Variants in SDK2 observed in about 807,000 individuals in gnomAD.
SDK2 encodes the protein sidekick cell adhesion molecule 2.
SDK2 carries 105 observed loss-of-function variants against 253.9 expected under a neutral mutation model. That is an observed-to-expected ratio of 0.41 (90% CI 0.35 to 0.49). The LOEUF is 0.49. Ranked by LOEUF, SDK2 falls within the 20% of genes least tolerant of loss-of-function variation. The pLI is 0.06. For synonymous variants in SDK2, 1,249 were observed against 1,234.9 expected (o/e 1.01, Z -0.24); for missense variants, 2,608 against 3,003.0 (o/e 0.87, Z 3.07).
At chr17:73,588,247 C>T (rs1280954926) in intron 1 of SDK2, among the ~76,000 whole-genome samples, 1 of 147,578 alleles carries the variant, frequency 6.8e-6, no homozygotes, top group Non-Finnish European at 1.5e-5. Context: ...CTTAGCTGGG[C>T]CTGGGGCTGC....
intron 41 of SDK2, 51 bp from the exon 42 acceptor site, chr17:73,350,841 CA>C: frequency 6.5e-7 from 1 of 1,547,654 alleles, no homozygotes; most frequent in South Asian, 1.2e-5. Context: ...CTCCTCCCTC[CA>C]AATCTCCTGC....
chr17:73,357,940 A>G lies in SDK2; in HGVS notation c.5593+139T>C, dbSNP rs774247323. On this transcript the variant is annotated intron_variant, in intron 40 of 44. Coordinates refer to ENST00000392650, the MANE Select transcript of SDK2 (RefSeq NM_001144952.2). Reference sequence around the variant, plus strand: ...CCCCAACCCAGTTTCCCACTCCTCAACAGGGCCAGGTGACTTCACCTGTAG... The same window carrying G: ...CCCCAACCCAGTTTCCCACTCCTCAGCAGGGCCAGGTGACTTCACCTGTAG... The G allele has an allele frequency of 2.2e-6, 3 of 1,339,604 alleles. No homozygotes were observed. The South Asian group carries it at 3.5e-5, about 16-fold the overall frequency. 83.0% of individuals were successfully genotyped at this position (1,339,604 alleles called of 1,614,324 possible).
rs2063521859 is a variant in SDK2 at position 73,455,853 on chromosome 17, C to T, written c.479+53G>A. ...AGGGAGACTTTATCTGGCCCCAAAC[C>T]TCCTCCCCCAGACACCCCTCCCCTC... On this transcript the variant is annotated intron_variant, in intron 4 of 44. Coordinates refer to ENST00000392650, the MANE Select transcript of SDK2 (RefSeq NM_001144952.2). The surrounding 1 kb of genome is among the most constrained non-coding windows in gnomAD (Gnocchi z 5.0). The T allele has an allele frequency of 2.7e-6, 4 of 1,495,980 alleles. No homozygotes were observed. The highest frequency in any genetic ancestry group is 2.5e-5 in the South Asian group (2 of 79,348). The allele number at this position is 1,495,980 out of a possible 1,614,324, so 92.7% of individuals were successfully genotyped here.
chr17:73,344,179 C>G (rs1229518651), intron 44 of SDK2, among the ~76,000 whole-genome samples: 1 of 152,150 alleles, frequency 6.6e-6, no homozygotes, highest in Non-Finnish European at 1.5e-5. Context: ...TCTGGGCTCC[C>G]TGTGTTAAGA....
At chr17:73,350,465 C>G in intron 42 of SDK2, 90 bp from the exon 43 acceptor site, 1 of 1,509,764 alleles carries the variant, frequency 6.6e-7, no homozygotes, top group South Asian at 1.3e-5. Flanking sequence ...TCCCCTCTTT[C>G]TCTTGGTAGA....
chr17:73,441,166 C>A, intron 5 of SDK2, among the ~76,000 whole-genome samples: 1 of 152,048 alleles, frequency 6.6e-6, no homozygotes, highest in African/African-American at 2.4e-5. Context: ...TGACGGCCTT[C>A]CCCACCCCTC....
At chr17:73,442,617 G>A (rs1224537344) in intron 5 of SDK2, among the ~76,000 whole-genome samples, 1 of 152,088 alleles carries the variant, frequency 6.6e-6, no homozygotes, top group Non-Finnish European at 1.5e-5. Flanking sequence ...CTGGGATTAT[G>A]GGTGTGAGCC....
intron 41 of SDK2, among the ~76,000 whole-genome samples, chr17:73,351,113 T>C (rs2346017): frequency 0.52 from 59,036 of 114,460 alleles, 11,770 homozygotes; most frequent in East Asian, 0.76. Flanking sequence ...CTTTTTCCCC[T>C]TTTTTTTTTT....
intron 3 of SDK2, among the ~76,000 whole-genome samples, chr17:73,459,636 CCT>C (rs1007951030): frequency 6.6e-6 from 1 of 152,132 alleles, no homozygotes; most frequent in Non-Finnish European, 1.5e-5. Context: ...GTTTTTTAGA[CCT>C]GACTTCAAAT....
Position 73,358,081 on chromosome 17 carries a change from G to T in SDK2, c.5591C>A (p.Ser1864Ter). The T allele has an allele frequency of 6.2e-7, 1 of 1,613,170 alleles. No homozygotes were observed. Among genetic ancestry groups the T allele is most frequent in the Non-Finnish European group, 8.5e-7 (1 of 1,179,756 alleles). ...ITRYVIEARP[S>*]DEGLWDILIK... The stretch of plus-strand genomic sequence containing the variant: ...CAGCCCAGCAGGGCGGGGCGCACCT[G>T]AAGGTCTGGCCTCGATGACGTAGCG... The change falls in exon 40 of 45, where the codon TCA (serine) becomes TAA (stop). Residue 1864 changes from serine (S) to a stop codon, truncating the protein, a stop_gained and splice_region_variant. Transcript: ENST00000392650. LOFTEE classifies it high-confidence loss of function.
chr17:73,435,376 T>C lies in SDK2; in HGVS notation c.1195+74A>G. On this transcript the variant is annotated intron_variant, in intron 9 of 44. Transcript: ENST00000392650. The surrounding 1 kb of genome is among the most constrained non-coding windows in gnomAD (Gnocchi z 5.7). The stretch of plus-strand genomic sequence containing the variant: ...GAACGTGCTATGCACAAGAGGCCCC[T>C]CGGAAGACCTTGGAAGAAAGCTGCG... 4.9e-6 allele frequency: 7 copies of C among 1,424,796 alleles called. No homozygotes were observed. The South Asian group carries it at 9.7e-5, about 20-fold the overall frequency. 88.3% of individuals were successfully genotyped at this position (1,424,796 alleles called of 1,614,324 possible).
intron 36 of SDK2, among the ~76,000 whole-genome samples, chr17:73,373,825 C>T (rs765296099): frequency 5.3e-5 from 8 of 151,918 alleles, no homozygotes; most frequent in South Asian, 2.1e-4. Flanking sequence ...TTAGTAGAGA[C>T]GGGGTTTCAC....
intron 2 of SDK2, among the ~76,000 whole-genome samples, chr17:73,500,017 G>A (rs569133931): frequency 6.8e-4 from 103 of 152,178 alleles, no homozygotes; most frequent in Non-Finnish European, 1.2e-3. Flanking sequence ...TCATCTGGTT[G>A]ATGACGTTGC....
intron 32 of SDK2, 44 bp downstream of exon 32, chr17:73,385,803 C>G: frequency 6.5e-7 from 1 of 1,540,728 alleles, no homozygotes; most frequent in Non-Finnish European, 8.8e-7. Context: ...CAGAGCAGAG[C>G]TCGTCTGGGT....
chr17:73,338,353 A>G lies in SDK2; in HGVS notation c.*234T>C. On this transcript the variant is annotated 3_prime_UTR_variant, in exon 45 of 45. Transcript: ENST00000392650. This position sits in a 1 kb window ranked among gnomAD's most constrained non-coding sequence, Gnocchi z 5.0. The stretch of plus-strand genomic sequence containing the variant: ...AGCTCCGTGTAATTCCCAAGGGAGC[A>G]GTGAACCCCACCATCTCAAAGCTGA... 1 of 666,500 alleles carries G rather than the reference A, an allele frequency of 1.5e-6. No individual in the cohort carries two copies. The highest frequency in any genetic ancestry group is 2.8e-6 in the Non-Finnish European group (1 of 362,100). The allele number at this position is 666,500 out of a possible 1,614,324, so 41.3% of individuals were successfully genotyped here. A position where few individuals can be genotyped will look rare whatever the true frequency, so the allele number is the denominator to read the frequency against.
chr17:73,412,117 T>TGC (rs2063141756), intron 18 of SDK2, among the ~76,000 whole-genome samples: 1 of 40,514 alleles, frequency 2.5e-5, no homozygotes, highest in African/African-American at 1.0e-4. Flanking sequence ...CGTATATATG[T>TGC]ATACGTATAT....
intron 9 of SDK2, 54 bp from the exon 10 acceptor site, chr17:73,433,902 G>A: frequency 2.3e-6 from 3 of 1,293,534 alleles, no homozygotes; most frequent in Non-Finnish European, 3.1e-6. Context: ...TGTCCCCCAA[G>A]CCAGAGGGCC....
chr17:73,422,569 G>C, intron 14 of SDK2, 135 bp from the exon 15 acceptor site: 2 of 938,200 alleles, frequency 2.1e-6, no homozygotes, highest in Non-Finnish European at 1.6e-6. Context: ...TGCAGGAGTG[G>C]CCCGCCATGC....
intron 1 of SDK2, among the ~76,000 whole-genome samples, chr17:73,560,495 A>G (rs989276330): frequency 6.6e-6 from 1 of 152,138 alleles, no homozygotes; most frequent in African/African-American, 2.4e-5. Context: ...GTGCGCCACC[A>G]TGCGCGTCTA....
Sources: allele counts gnomAD v4.1 joint callset (sites outside exome capture counted in the v4.1 genomes callset), GRCh38; gene constraint gnomAD v4.1.1; non-coding constraint Gnocchi (gnomAD v3.1); transcripts MANE v1.5; gene names NCBI Gene and HGNC (gene_info 2026-07-23, HGNC 2026-07-21).